The following SLAMF8 variants were observed in gnomAD, a reference collection of about 807,000 sequenced individuals.
SLAMF8 encodes the protein SLAM family member 8.
In SLAMF8, 23 loss-of-function variants were observed where a neutral mutation model predicts 29.0. The ratio of observed to expected loss-of-function variants is 0.79; its 90% CI spans 0.57 to 1.13. The LOEUF is 1.13. Among genes scored for constraint, SLAMF8 ranks in the 50% most tolerant of loss-of-function variants. The pLI is 0.00. For synonymous variants in SLAMF8, 139 were observed against 145.6 expected (o/e 0.96, Z 0.32); for missense variants, 381 against 353.1 (o/e 1.08, Z -0.63).
At position 159,836,033 on chromosome 1, in the gene SLAMF8, C is replaced by T. The variant is rs964810606; in HGVS notation, c.*773C>T. ...GGATCTGGGAGTGAGGGTGGAGAGTCTTTCCTCACGCTCCAGCACAGTGGC... is the reference window on the plus strand; with the variant it reads ...GGATCTGGGAGTGAGGGTGGAGAGTTTTTCCTCACGCTCCAGCACAGTGGC... On this transcript the variant is annotated 3_prime_UTR_variant, in exon 5 of 5. Coordinates refer to ENST00000289707, the MANE Select transcript of SLAMF8 (RefSeq NM_020125.3). 2.0e-6 allele frequency: 2 copies of T among 985,446 alleles called. No homozygotes were observed. Among genetic ancestry groups the T allele is most frequent in the South Asian group, 4.7e-5 (1 of 21,286 alleles). 61.0% of individuals were successfully genotyped at this position (985,446 alleles called of 1,614,324 possible).
chr1:159,835,160 C>T (rs1020052884), intron 4 of SLAMF8, 24 bp from the exon 5 acceptor site: 2 of 1,610,032 alleles, frequency 1.2e-6, no homozygotes, highest in Non-Finnish European at 1.7e-6. Flanking sequence ...GGAGGGGTAA[C>T]TTTCTTTCTG....
intron 2 of SLAMF8, among the ~76,000 whole-genome samples, chr1:159,832,192 C>T (rs980176014): frequency 2.0e-5 from 3 of 152,344 alleles, no homozygotes; most frequent in Admixed American, 2.0e-4. Flanking sequence ...GCTAAGTTTA[C>T]TAAGCTAACA....
intron 4 of SLAMF8, chr1:159,834,842 C>G (rs1295353375): frequency 4.4e-6 from 1 of 227,278 alleles, no homozygotes; most frequent in Non-Finnish European, 8.7e-6. Context: ...ACCCAACAAC[C>G]TGGGATAGTA....
intron 2 of SLAMF8, among the ~76,000 whole-genome samples, chr1:159,831,745 G>A (rs549938200): frequency 5.9e-5 from 9 of 152,314 alleles, no homozygotes; most frequent in African/African-American, 9.6e-5. Flanking sequence ...CCAAGCAGCC[G>A]TCCTTAGGAG....
chr1:159,835,441 C>T lies in SLAMF8; in HGVS notation c.*181C>T, dbSNP rs111455938. On this transcript the variant is annotated 3_prime_UTR_variant, in exon 5 of 5. Transcript: ENST00000289707. ...ACCACGAGGACAGGAAGCACCAGCA[C>T]GTTTCACACCTCCCCCTTCCCTCTC... The T allele has an allele frequency of 8.8e-5, 122 of 1,380,910 alleles. 2 individuals are homozygous for T. The highest frequency in any genetic ancestry group is 8.1e-4 in the Middle Eastern group (3 of 3,700). The allele number at this position is 1,380,910 out of a possible 1,614,324, so 85.5% of individuals were successfully genotyped here. A position where few individuals can be genotyped will look rare whatever the true frequency, so the allele number is the denominator to read the frequency against.
chr1:159,831,860 C>G (rs952753801), intron 2 of SLAMF8, among the ~76,000 whole-genome samples: 2 of 152,168 alleles, frequency 1.3e-5, no homozygotes, highest in African/African-American at 4.8e-5. Context: ...AGCAGCTTGT[C>G]CTCTTAAGTG....
intron 1 of SLAMF8, among the ~76,000 whole-genome samples, chr1:159,828,463 T>A (rs1044574081): frequency 3.3e-5 from 5 of 152,154 alleles, no homozygotes; most frequent in African/African-American, 1.2e-4. Context: ...CCAGATCATG[T>A]CTCATTGACC....
rs557082807 is a variant in SLAMF8, at chr1:159,827,244, G to C, written c.40+306G>C. On this transcript the variant is annotated intron_variant, in intron 1 of 4. Coordinates refer to ENST00000289707, the MANE Select transcript of SLAMF8 (RefSeq NM_020125.3). Reference sequence around the variant, plus strand: ...GTGATACTGCTGGTTTGGAGAGAAAGTCGGCTGTGAGAATGGTGAGGACCC... The same window carrying C: ...GTGATACTGCTGGTTTGGAGAGAAACTCGGCTGTGAGAATGGTGAGGACCC... 3.3e-4 allele frequency among the ~76,000 whole-genome samples: 51 copies of C among 152,266 alleles called. 1 individual carries two copies. Among genetic ancestry groups the C allele is most frequent in the Admixed American group, 1.8e-3 (27 of 15,290 alleles).
rs114681073 is a variant in SLAMF8 at position 159,833,194 on chromosome 1, C to T, written c.673+13C>T. Reference sequence around the variant, plus strand: ...CATCATGAGGCAGGTATGCTAAGGGCCAGCAGTCAGTGGTTGAGGGCTTAT... The same window carrying T: ...CATCATGAGGCAGGTATGCTAAGGGTCAGCAGTCAGTGGTTGAGGGCTTAT... On this transcript the variant is annotated intron_variant, in intron 3 of 4. Coordinates refer to ENST00000289707, the MANE Select transcript of SLAMF8 (RefSeq NM_020125.3). The T allele has an allele frequency of 3.8e-4, 619 of 1,613,996 alleles. 5 individuals carry two copies. In the African/African-American group the frequency reaches 6.4e-3, roughly 17 times the overall value.
intron 1 of SLAMF8, among the ~76,000 whole-genome samples, chr1:159,829,141 C>A (rs1448350965): frequency 6.6e-6 from 1 of 152,194 alleles, no homozygotes; most frequent in East Asian, 1.9e-4. Context: ...GTTGCCGTCA[C>A]TTCTCCACTG....
In SLAMF8 at chr1:159,835,523, A is replaced by G. The variant is rs1647863399; in HGVS notation, c.*263A>G. On this transcript the variant is annotated 3_prime_UTR_variant, in exon 5 of 5. Transcript: ENST00000289707. ...CAAGATGAGCCAAGCAGAACATTCCATCCAGGACACTGGAAGTTCTCCAGG... is the reference window on the plus strand; with the variant it reads ...CAAGATGAGCCAAGCAGAACATTCCGTCCAGGACACTGGAAGTTCTCCAGG... 8.1e-7 allele frequency: 1 copy of G among 1,232,230 alleles called. No homozygotes were observed. 76.3% of individuals were successfully genotyped at this position (1,232,230 alleles called of 1,614,324 possible). A position where few individuals can be genotyped will look rare whatever the true frequency, so the allele number is the denominator to read the frequency against.
In SLAMF8 at chr1:159,832,800, G is replaced by A. The variant is rs975000979; in HGVS notation, c.368-76G>A. The A allele has an allele frequency of 8.5e-6, 13 of 1,520,784 alleles. No individual in the cohort carries two copies. The African/African-American group carries it at 1.5e-4, about 18-fold the overall frequency. The allele number at this position is 1,520,784 out of a possible 1,614,324, so 94.2% of individuals were successfully genotyped here. Reference sequence around the variant, plus strand: ...AGCCAGAGGTGGCATCTAACCCTGGGTAGATCCCAGAGCCAGAGATGTGGG... The same window carrying A: ...AGCCAGAGGTGGCATCTAACCCTGGATAGATCCCAGAGCCAGAGATGTGGG... On this transcript the variant is annotated intron_variant, in intron 2 of 4. Coordinates refer to ENST00000289707, the MANE Select transcript of SLAMF8 (RefSeq NM_020125.3).
rs147457149 is a variant in SLAMF8 at position 159,835,594 on chromosome 1, C to T, written c.*334C>T. The T allele has an allele frequency of 9.6e-3, 10,198 of 1,062,596 alleles. 57 individuals are homozygous for T. Among genetic ancestry groups the T allele is most frequent in the Non-Finnish European group, 0.011 (9,335 of 879,162 alleles). The allele number at this position is 1,062,596 out of a possible 1,614,324, so 65.8% of individuals were successfully genotyped here. On this transcript the variant is annotated 3_prime_UTR_variant, in exon 5 of 5. Transcript: ENST00000289707. ...TAATAGTCCAAGGCATTCCCTCCCC[C>T]ACCACTATTCATAAAGTATTAACCA... is the stretch of plus-strand genomic sequence containing the variant.
chr1:159,835,112 C>T (rs553133654), intron 4 of SLAMF8, 72 bp from the exon 5 acceptor site: 2 of 1,453,488 alleles, frequency 1.4e-6, no homozygotes, highest in Admixed American at 1.9e-5. Context: ...GATTCAGAGG[C>T]CTGCAGGCAG....
intron 2 of SLAMF8, among the ~76,000 whole-genome samples, chr1:159,830,518 G>C (rs1366473219): frequency 6.6e-6 from 1 of 152,136 alleles, no homozygotes; most frequent in Non-Finnish European, 1.5e-5. Flanking sequence ...ACCATGTAGA[G>C]TACCCACAGG....
At position 159,835,274 on chromosome 1, in the gene SLAMF8, C is replaced by T; in HGVS notation, c.*14C>T. ...GATCTGCCATAAAGGACAATATGAA[C>T]TGATGCCTGGACTATCAGTAACCCC... is the stretch of plus-strand genomic sequence containing the variant. On this transcript the variant is annotated 3_prime_UTR_variant, in exon 5 of 5. Coordinates refer to ENST00000289707, the MANE Select transcript of SLAMF8 (RefSeq NM_020125.3). The T allele has an allele frequency of 6.2e-7, 1 of 1,612,196 alleles. No individual in the cohort carries two copies. Among genetic ancestry groups the T allele is most frequent in the Non-Finnish European group, 8.5e-7 (1 of 1,179,488 alleles).
Position 159,829,835 on chromosome 1 carries a change from G to A in SLAMF8, c.41-31G>A, listed in dbSNP as rs766210682. 14 of 1,566,742 alleles carry A rather than the reference G, an allele frequency of 8.9e-6. No homozygotes were observed. In the African/African-American group the frequency reaches 1.8e-4, roughly 20 times the overall value. ...AAAGAAGGATGAGGAGTGTGGGGCA[G>A]GCAGAGTGACCAGGGGCTCTGTTCT... On this transcript the variant is annotated intron_variant, in intron 1 of 4. Transcript: ENST00000289707.
Position 159,835,436 on chromosome 1 carries a change from C to T in SLAMF8, c.*176C>T. 7.2e-7 allele frequency: 1 copy of T among 1,389,640 alleles called. No homozygotes were observed. Among genetic ancestry groups the T allele is most frequent in the African/African-American group, 1.5e-5 (1 of 68,204 alleles). The allele number at this position is 1,389,640 out of a possible 1,614,324, so 86.1% of individuals were successfully genotyped here. A position where few individuals can be genotyped will look rare whatever the true frequency, so the allele number is the denominator to read the frequency against. On this transcript the variant is annotated 3_prime_UTR_variant, in exon 5 of 5. Transcript: ENST00000289707. ...ATCACACCACGAGGACAGGAAGCACCAGCACGTTTCACACCTCCCCCTTCC... is the reference window on the plus strand; with the variant it reads ...ATCACACCACGAGGACAGGAAGCACTAGCACGTTTCACACCTCCCCCTTCC...
In SLAMF8 at chr1:159,837,381, G is replaced by A; in HGVS notation, c.*2121G>A. 3.4e-6 allele frequency: 3 copies of A among 888,416 alleles called. No homozygotes were observed. The highest frequency in any genetic ancestry group is 4.0e-6 in the Non-Finnish European group (3 of 741,608). 55.0% of individuals were successfully genotyped at this position (888,416 alleles called of 1,614,324 possible). A position where few individuals can be genotyped will look rare whatever the true frequency, so the allele number is the denominator to read the frequency against. ...TCACACCACAACAAATATTGATTGA[G>A]GGCGCTGCATGTGCTGGGTACATTT... On this transcript the variant is annotated 3_prime_UTR_variant, in exon 5 of 5. Transcript: ENST00000289707.
Sources: allele counts gnomAD v4.1 joint callset (sites outside exome capture counted in the v4.1 genomes callset), GRCh38; gene constraint gnomAD v4.1.1; transcripts MANE v1.5; gene names NCBI Gene and HGNC (gene_info 2026-07-23, HGNC 2026-07-21).